Variants in HCN1 observed in about 807,000 individuals in gnomAD.
HCN1 encodes hyperpolarization activated cyclic nucleotide gated potassium channel 1, also known as potassium/sodium hyperpolarization-activated cyclic nucleotide-gated channel 1.
HCN1 carries 13 observed loss-of-function variants against 78.9 expected under a neutral mutation model. The ratio of observed to expected loss-of-function variants is 0.16; its 90% confidence interval spans 0.11 to 0.26. HCN1 has a LOEUF of 0.26. HCN1 is among the 10% of genes least tolerant of loss of function. The pLI, the probability that HCN1 is intolerant of heterozygous loss-of-function variation, is 1.00. For synonymous variants in HCN1, 552 were observed against 455.5 expected, an observed-to-expected ratio of 1.21 and a Z score of -2.70; for missense variants, 810 against 1,154.3, an observed-to-expected ratio of 0.70 and a Z score of 4.32.
intron 2 of HCN1, among the ~76,000 whole-genome samples, chr5:45,553,298 G>A (rs1036128451): frequency 3.3e-5 from 5 of 151,692 alleles, no homozygotes; most frequent in Non-Finnish European, 4.4e-5. Context: ...CCCCTAGATT[G>A]GCTACATCCT....
intron 6 of HCN1, among the ~76,000 whole-genome samples, chr5:45,302,735 G>C (rs1014313479): frequency 5.9e-5 from 9 of 151,972 alleles, no homozygotes; most frequent in African/African-American, 1.9e-4. Context: ...ACATTTATGG[G>C]AGGGACCCAG....
intron 1 of HCN1, among the ~76,000 whole-genome samples, chr5:45,695,436 G>A (rs1052993534): frequency 6.6e-6 from 1 of 152,168 alleles, no homozygotes; most frequent in Non-Finnish European, 1.5e-5. Context: ...GGAGGCCAAG[G>A]AGGAGAGCCC....
intron 2 of HCN1, among the ~76,000 whole-genome samples, chr5:45,528,328 T>G (rs925466399): frequency 3.3e-5 from 5 of 151,980 alleles, no homozygotes; most frequent in Non-Finnish European, 5.9e-5. Context: ...TAGCTTATAT[T>G]TCATATATTT....
chr5:45,668,237 C>A (rs553099570), intron 1 of HCN1, among the ~76,000 whole-genome samples: 32 of 151,748 alleles, frequency 2.1e-4, no homozygotes, highest in Non-Finnish European at 3.7e-4. Flanking sequence ...TGTTCCCACC[C>A]AAATCTCATC....
intron 5 of HCN1, among the ~76,000 whole-genome samples, chr5:45,324,237 A>C (rs1338910390): frequency 6.6e-6 from 1 of 151,960 alleles, no homozygotes; most frequent in Non-Finnish European, 1.5e-5. Flanking sequence ...AATGGGAGAA[A>C]ATTTTTGCAA....
rs1160094221 is a variant in HCN1 at position 45,504,860 on chromosome 5, G to A, written c.850-42853C>T. 2.0e-5 allele frequency among the ~76,000 whole-genome samples: 3 copies of A among 152,150 alleles called. No individual in the cohort carries two copies. In the East Asian group the frequency reaches 5.8e-4, roughly 29 times the overall value. On this transcript the variant is annotated intron_variant, in intron 2 of 7. Coordinates refer to ENST00000303230, the MANE Select transcript of HCN1 (RefSeq NM_021072.4). ...TTTCTCTGATGGCCAGTGATGATAAGCATTTTTTCATGTGTCTGTTGGCTG... is the reference window on the plus strand; with the variant it reads ...TTTCTCTGATGGCCAGTGATGATAAACATTTTTTCATGTGTCTGTTGGCTG...
intron 2 of HCN1, among the ~76,000 whole-genome samples, chr5:45,516,752 C>T (rs1742523378): frequency 6.6e-6 from 1 of 151,886 alleles, no homozygotes; most frequent in South Asian, 2.1e-4. Context: ...TTGAGGATTA[C>T]TGAAGTCTCT....
intron 1 of HCN1, among the ~76,000 whole-genome samples, chr5:45,666,409 A>T (rs1746049458): frequency 1.3e-5 from 2 of 152,024 alleles, no homozygotes; most frequent in Admixed American, 6.6e-5. Context: ...CTACCCCTTG[A>T]TACTTCTATA....
At chr5:45,517,568 ATTGCCAAGATAAAAAAGCTGTAT>A (rs1327288426) in intron 2 of HCN1, among the ~76,000 whole-genome samples, 1 of 150,144 alleles carries the variant, frequency 6.7e-6, no homozygotes, top group African/African-American at 2.5e-5. Flanking sequence ...GGGTCAGAAC[ATTGCCAAGATAAAAAAGCTGTAT>A]TTCCCACCCA....
chr5:45,594,171 G>A (rs1382162881), intron 2 of HCN1, among the ~76,000 whole-genome samples: 1 of 152,000 alleles, frequency 6.6e-6, no homozygotes, highest in Non-Finnish European at 1.5e-5. Flanking sequence ...AGGGCTCAGA[G>A]GGAAAAAAGT....
intron 6 of HCN1, among the ~76,000 whole-genome samples, chr5:45,276,030 G>A (rs1301159338): frequency 2.6e-5 from 4 of 151,982 alleles, no homozygotes; most frequent in South Asian, 2.1e-4. Context: ...GTTTTTTGAA[G>A]TAATATCCTG....
chr5:45,336,258 T>C (rs1426159400), intron 5 of HCN1, among the ~76,000 whole-genome samples: 3 of 151,820 alleles, frequency 2.0e-5, no homozygotes, highest in Non-Finnish European at 4.4e-5. Flanking sequence ...AACCAGAGAG[T>C]ACAGATTAGA....
At chr5:45,617,578 T>C (rs1399384802) in intron 2 of HCN1, among the ~76,000 whole-genome samples, 1 of 152,108 alleles carries the variant, frequency 6.6e-6, no homozygotes, top group African/African-American at 2.4e-5. Flanking sequence ...ATTTCCCACT[T>C]TTTAGGTAGA....
intron 2 of HCN1, among the ~76,000 whole-genome samples, chr5:45,514,848 C>T (rs748926635): frequency 1.3e-4 from 20 of 152,146 alleles, no homozygotes; most frequent in Non-Finnish European, 2.1e-4. Flanking sequence ...TATTTCTGAA[C>T]TAATTTACTA....
chr5:45,492,392 A>AATATATAT (rs35781186), intron 2 of HCN1, among the ~76,000 whole-genome samples: 2,467 of 121,182 alleles, frequency 0.02, 35 homozygotes, highest in African/African-American at 0.046. Context: ...TCTTTAAATG[A>AATATATAT]ATATATATAT....
chr5:45,660,705 G>C (rs1367080696), intron 1 of HCN1, among the ~76,000 whole-genome samples: 4 of 137,780 alleles, frequency 2.9e-5, no homozygotes, highest in Non-Finnish European at 4.7e-5. Flanking sequence ...AAGAGACAAA[G>C]AAGGCCATTA....
chr5:45,497,223 T>G (rs1278790467), intron 2 of HCN1, among the ~76,000 whole-genome samples: 2 of 152,274 alleles, frequency 1.3e-5, no homozygotes, highest in South Asian at 2.1e-4. Context: ...TAGGTCCACT[T>G]GGTGCAGAGC....
intron 5 of HCN1, among the ~76,000 whole-genome samples, chr5:45,324,788 A>G (rs1403232433): frequency 1.3e-5 from 2 of 151,824 alleles, no homozygotes; most frequent in African/African-American, 4.8e-5. Flanking sequence ...TGGGAAAGTT[A>G]TCTGCAATTA....
chr5:45,638,203 A>G (rs1474947618), intron 2 of HCN1, among the ~76,000 whole-genome samples: 1 of 152,188 alleles, frequency 6.6e-6, no homozygotes, highest in Non-Finnish European at 1.5e-5. Context: ...GGAGATTTAA[A>G]GAAAAAATGA....
Sources: gnomAD v4.1 joint callset for allele counts (sites outside exome capture counted in the v4.1 genomes callset) on GRCh38, gnomAD v4.1.1 for gene constraint, MANE v1.5 for transcripts, NCBI Gene and HGNC (gene_info 2026-07-23, HGNC 2026-07-21) for gene names.